The following NDUFA9 variants were observed in gnomAD, a reference collection of about 807,000 sequenced individuals.
NDUFA9 encodes the protein NADH dehydrogenase [ubiquinone] 1 alpha subcomplex subunit 9, mitochondrial.
A neutral mutation model predicts 45.9 loss-of-function variants in NDUFA9; 23 were observed. That is an observed-to-expected ratio of 0.50 (90% CI 0.36 to 0.71). NDUFA9 has a LOEUF of 0.71. Among genes scored for constraint, NDUFA9 ranks in the 30% least tolerant of loss-of-function variants. NDUFA9 has a pLI of 0.00. For missense variants in NDUFA9, 466 were observed against 488.2 expected (o/e 0.95, Z 0.43); for synonymous variants, 176 against 170.5 (o/e 1.03, Z -0.25).
chr12:4,649,798 A>G (rs1254395918), intron 1 of NDUFA9, among the ~76,000 whole-genome samples: 1 of 152,178 alleles, frequency 6.6e-6, no homozygotes, highest in African/African-American at 2.4e-5. Flanking sequence ...CTTGGTGGAA[A>G]GGAAAGTGAA....
intron 1 of NDUFA9, among the ~76,000 whole-genome samples, chr12:4,652,529 G>T: frequency 6.6e-6 from 1 of 152,092 alleles, no homozygotes; most frequent in Non-Finnish European, 1.5e-5. Context: ...GTGGTCCTCT[G>T]TCCTCTTCCT....
At position 4,687,221 on chromosome 12, in the gene NDUFA9, A is replaced by G. The variant is rs1945993379; in HGVS notation, c.*113A>G. 1.0e-6 allele frequency: 1 copy of G among 971,932 alleles called. No homozygotes were observed. The highest frequency in any genetic ancestry group is 1.5e-6 in the Non-Finnish European group (1 of 686,686). 60.2% of individuals were successfully genotyped at this position (971,932 alleles called of 1,614,324 possible). A position where few individuals can be genotyped will look rare whatever the true frequency, so the allele number is the denominator to read the frequency against. Reference sequence around the variant, plus strand: ...CTGTACACAGTTCCACTATTAAAACATTTCAGGTTGAATTCTGCAGTATTT... The same window carrying G: ...CTGTACACAGTTCCACTATTAAAACGTTTCAGGTTGAATTCTGCAGTATTT... On this transcript the variant is annotated 3_prime_UTR_variant, in exon 11 of 11. Transcript: ENST00000266544.
intron 10 of NDUFA9, among the ~76,000 whole-genome samples, chr12:4,686,341 A>G (rs1945986370): frequency 6.6e-6 from 1 of 152,104 alleles, no homozygotes. Flanking sequence ...CTTTCCCTAT[A>G]AACAAGATGG....
intron 8 of NDUFA9, among the ~76,000 whole-genome samples, chr12:4,670,269 C>G (rs1452959135): frequency 6.6e-6 from 1 of 152,152 alleles, no homozygotes; most frequent in Non-Finnish European, 1.5e-5. Context: ...CTTTTATGCT[C>G]TTTGCTAAAA....
intron 10 of NDUFA9, among the ~76,000 whole-genome samples, chr12:4,685,553 C>A (rs1049869392): frequency 6.6e-6 from 1 of 152,104 alleles, no homozygotes; most frequent in Non-Finnish European, 1.5e-5. Context: ...CTTGATCACT[C>A]CTGTCAACAC....
chr12:4,654,408 G>A lies in NDUFA9; in HGVS notation c.166G>A (p.Ala56Thr). 1 of 1,614,156 alleles carries A rather than the reference G, an allele frequency of 6.2e-7. No individual in the cohort carries two copies. Among genetic ancestry groups the A allele is most frequent in the Non-Finnish European group, 8.5e-7 (1 of 1,180,010 alleles). ...GGRSSVSGIVATVFGATGFLG... is the reference protein window; with the variant it reads ...GGRSSVSGIVTTVFGATGFLG... ...ACGTTCCTCAGTCAGTGGGATTGTG[G>A]CCACTGTGTTTGGAGCAACAGGATT... The change falls in exon 2 of 11, where the codon GCC becomes ACC. Residue 56 changes from alanine (A) to threonine (T), a missense_variant. Physicochemically the swap from Ala to Thr is moderately conservative, Grantham distance 58 (BLOSUM62 0). Coordinates refer to ENST00000266544, the MANE Select transcript of NDUFA9 (RefSeq NM_005002.5).
intron 1 of NDUFA9, among the ~76,000 whole-genome samples, chr12:4,650,533 G>A (rs183814685): frequency 1.4e-3 from 210 of 152,194 alleles, no homozygotes; most frequent in African/African-American, 4.8e-3. Context: ...ACCACTCTGC[G>A]TTATTGTCTG....
intron 9 of NDUFA9, 65 bp downstream of exon 9, chr12:4,682,365 T>C: frequency 8.0e-7 from 1 of 1,245,766 alleles, no homozygotes; most frequent in Non-Finnish European, 1.2e-6. Flanking sequence ...GTTCCTAATG[T>C]TCTCCCTTAG....
Position 4,685,257 on chromosome 12 carries a change from A to G in NDUFA9, c.897-2A>G. 1 of 1,612,910 alleles carries G rather than the reference A, an allele frequency of 6.2e-7. No individual in the cohort carries two copies. Among genetic ancestry groups the G allele is most frequent in the Non-Finnish European group, 8.5e-7 (1 of 1,178,858 alleles). ...ATGTGCTATATGTATTTCTCTTTCC[A>G]GATGGGTAGCAAGAGTCTTTGAAAT... On this transcript the variant is annotated splice_acceptor_variant, in intron 9 of 10. Coordinates refer to ENST00000266544, the MANE Select transcript of NDUFA9 (RefSeq NM_005002.5). LOFTEE classifies it high-confidence loss of function.
At position 4,659,182 on chromosome 12, in the gene NDUFA9, G is replaced by A. The variant is rs372776947; in HGVS notation, c.552+5G>A. 4.2e-5 allele frequency: 68 copies of A among 1,608,964 alleles called. No individual in the cohort carries two copies. The African/African-American group carries it at 8.2e-4, about 19-fold the overall frequency. On this transcript the variant is annotated splice_donor_5th_base_variant and intron_variant, in intron 5 of 10. Transcript: ENST00000266544. ...TCTAGATATTTGAGAAATAAGGTAA[G>A]TAACAAATTGATCTGGGAAGTGGTT...
In NDUFA9 at chr12:4,690,004, C is replaced by G. The variant is rs778891979; in HGVS notation, c.*2896C>G. ...CCATCCTAAGCTAGTGGATGTCACC[C>G]TCTCAGTGTATGGAGGTTGCATATG... On this transcript the variant is annotated 3_prime_UTR_variant, in exon 11 of 11. Coordinates refer to ENST00000266544, the MANE Select transcript of NDUFA9 (RefSeq NM_005002.5). The G allele has an allele frequency of 1.3e-5, 2 of 152,720 alleles. No individual in the cohort carries two copies. The highest frequency in any genetic ancestry group is 1.9e-4 in the East Asian group (1 of 5,200). The allele number at this position is 152,720 out of a possible 1,614,324, so 9.5% of individuals were successfully genotyped here.
Position 4,690,013 on chromosome 12 carries a change from T to G in NDUFA9, c.*2905T>G, listed in dbSNP as rs1565574782. The G allele has an allele frequency of 6.6e-6, 1 of 152,578 alleles. No individual in the cohort carries two copies. Among genetic ancestry groups the G allele is most frequent in the Non-Finnish European group, 1.5e-5 (1 of 68,316 alleles). 9.5% of individuals were successfully genotyped at this position (152,578 alleles called of 1,614,324 possible). On this transcript the variant is annotated 3_prime_UTR_variant, in exon 11 of 11. Coordinates refer to ENST00000266544, the MANE Select transcript of NDUFA9 (RefSeq NM_005002.5). The stretch of plus-strand genomic sequence containing the variant: ...GCTAGTGGATGTCACCCTCTCAGTG[T>G]ATGGAGGTTGCATATGACAAGTAAC...
Position 4,659,090 on chromosome 12 carries a change from G to C in NDUFA9, c.465G>C (p.Leu155=). ...FVKIPQAIAQ[L]SKEAGVEKFI... ...AGATTCCCCAAGCAATTGCTCAACT[G>C]TCCAAGGAAGCTGGAGTTGAAAAAT... The change falls in exon 5 of 11, where the codon CTG becomes CTC. Residue 155 remains leucine, a synonymous_variant. Coordinates refer to ENST00000266544, the MANE Select transcript of NDUFA9 (RefSeq NM_005002.5). The C allele has an allele frequency of 1.2e-6, 2 of 1,612,672 alleles. No homozygotes were observed. The highest frequency in any genetic ancestry group is 2.2e-5 in the South Asian group (2 of 91,058).
intron 8 of NDUFA9, among the ~76,000 whole-genome samples, chr12:4,671,381 G>A (rs1430952157): frequency 6.6e-6 from 1 of 151,802 alleles, no homozygotes; most frequent in South Asian, 2.1e-4. Context: ...ATTAAGAAAA[G>A]AATTTTATTC....
intron 8 of NDUFA9, among the ~76,000 whole-genome samples, chr12:4,680,987 T>C (rs1945948949): frequency 1.3e-5 from 2 of 152,182 alleles, no homozygotes; most frequent in Non-Finnish European, 2.9e-5. Context: ...ATATAGTATG[T>C]GATAAGGGTG....
At chr12:4,665,509 A>G (rs1019019797) in intron 6 of NDUFA9, among the ~76,000 whole-genome samples, 10 of 152,160 alleles carry the variant, frequency 6.6e-5, no homozygotes, top group Non-Finnish European at 1.0e-4. Flanking sequence ...ATTTCTTCCC[A>G]CTTTTGGCTA....
intron 1 of NDUFA9, among the ~76,000 whole-genome samples, chr12:4,650,877 A>G (rs933129580): frequency 6.6e-6 from 1 of 152,156 alleles, no homozygotes; most frequent in African/African-American, 2.4e-5. Flanking sequence ...GATAGTGGAA[A>G]AGGAGGTTGA....
rs1333368928 is a variant in NDUFA9 at position 4,669,890 on chromosome 12, CAG to C, written c.800+75_800+76del. On this transcript the variant is annotated intron_variant, in intron 8 of 10. Transcript: ENST00000266544. ...AATCAATATCTAAATTAGTTACTAA[CAG>C]ATTTATTTGTTGCACTTTTACAATA... 4 of 1,109,882 alleles carry C rather than the reference CAG, an allele frequency of 3.6e-6. No individual in the cohort carries two copies. The African/African-American group carries it at 4.6e-5, about 13-fold the overall frequency. The allele number at this position is 1,109,882 out of a possible 1,614,324, so 68.8% of individuals were successfully genotyped here. A position where few individuals can be genotyped will look rare whatever the true frequency, so the allele number is the denominator to read the frequency against.
chr12:4,653,661 T>C, intron 1 of NDUFA9: 1 of 447,002 alleles, frequency 2.2e-6, no homozygotes, highest in Non-Finnish European at 4.5e-6. Flanking sequence ...ATTTGTGATG[T>C]TCTTCAGTGG....
Sources: allele counts gnomAD v4.1 joint callset (sites outside exome capture counted in the v4.1 genomes callset), GRCh38; gene constraint gnomAD v4.1.1; transcripts MANE v1.5; gene names NCBI Gene and HGNC (gene_info 2026-07-23, HGNC 2026-07-21).